Variants in MAP2K6 observed in about 807,000 individuals in gnomAD.
MAP2K6 encodes dual specificity mitogen-activated protein kinase kinase 6.
Under a neutral mutation model 53.7 loss-of-function variants are expected in MAP2K6, and 16 were observed. That is an observed-to-expected ratio of 0.30 (90% CI 0.20 to 0.45). The LOEUF is 0.45. Among genes scored for constraint, MAP2K6 ranks in the 20% least tolerant of loss-of-function variants. The pLI, the probability that MAP2K6 is intolerant of heterozygous loss-of-function variation, is 1.00. For missense variants in MAP2K6, 204 were observed against 411.9 expected (o/e 0.50, Z 4.37); for synonymous variants, 132 against 143.1 (o/e 0.92, Z 0.55).
intron 1 of MAP2K6, among the ~76,000 whole-genome samples, chr17:69,503,985 C>G (rs141278045): frequency 6.6e-6 from 1 of 152,242 alleles, no homozygotes; most frequent in Non-Finnish European, 1.5e-5. Flanking sequence ...TCTCACCTGC[C>G]CCCTCTCCAG....
chr17:69,477,897 A>T (rs773112622), intron 1 of MAP2K6, among the ~76,000 whole-genome samples: 1 of 152,236 alleles, frequency 6.6e-6, no homozygotes, highest in Non-Finnish European at 1.5e-5. Context: ...GAGATAGTGG[A>T]TGAGGGACGG....
intron 1 of MAP2K6, among the ~76,000 whole-genome samples, chr17:69,444,845 G>A (rs1278339443): frequency 1.3e-5 from 2 of 152,208 alleles, no homozygotes; most frequent in African/African-American, 4.8e-5. Flanking sequence ...AACTCTCCAA[G>A]TTGGCTGTTG....
At chr17:69,441,070 A>T (rs1236787899) in intron 1 of MAP2K6, among the ~76,000 whole-genome samples, 1 of 152,172 alleles carries the variant, frequency 6.6e-6, no homozygotes, top group South Asian at 2.1e-4. Flanking sequence ...GTGTTATGTG[A>T]CTATAGGTAT....
Position 69,552,259 on chromosome 17 carries a change from T to C in MAP2K6, c.*10506T>C, listed in dbSNP as rs1912129043. ...CTAGTTAGGAGCTTGCTACCTCTTC[T>C]TGGTACCTGAAATATTCTGAAAGGA... On this transcript the variant is annotated 3_prime_UTR_variant, in exon 12 of 12. Coordinates refer to ENST00000590474, the MANE Select transcript of MAP2K6 (RefSeq NM_002758.4). 1 of 152,250 alleles carries C rather than the reference T, an allele frequency of 6.6e-6. No individual in the cohort carries two copies. The highest frequency in any genetic ancestry group is 2.1e-4 in the South Asian group (1 of 4,832). 9.4% of individuals were successfully genotyped at this position (152,250 alleles called of 1,614,324 possible). A position where few individuals can be genotyped will look rare whatever the true frequency, so the allele number is the denominator to read the frequency against.
chr17:69,541,658 T>C lies in MAP2K6; in HGVS notation c.928-18T>C. The C allele has an allele frequency of 6.3e-7, 1 of 1,594,014 alleles. No individual in the cohort carries two copies. Among genetic ancestry groups the C allele is most frequent in the Non-Finnish European group, 8.6e-7 (1 of 1,163,146 alleles). On this transcript the variant is annotated intron_variant, in intron 11 of 11. Coordinates refer to ENST00000590474, the MANE Select transcript of MAP2K6 (RefSeq NM_002758.4). ...TCAGTAAGACATTAATACCATGTTT[T>C]TTCTTTTTCTTTTCCAGCAACATCC...
intron 1 of MAP2K6, among the ~76,000 whole-genome samples, chr17:69,486,169 TC>T (rs1908528809): frequency 6.6e-6 from 1 of 152,178 alleles, no homozygotes; most frequent in African/African-American, 2.4e-5. Context: ...AAATTGTTTT[TC>T]CACGTTGTGG....
At chr17:69,477,024 ATGGCTTGAG>A (rs1223991556) in intron 1 of MAP2K6, 1 of 152,288 alleles carries the variant, frequency 6.6e-6, no homozygotes, top group Non-Finnish European at 1.5e-5. Flanking sequence ...TCTCATTCAC[ATGGCTTGAG>A]TGACAGGGCA....
chr17:69,489,003 C>A (rs1908647633), intron 1 of MAP2K6, among the ~76,000 whole-genome samples: 1 of 151,846 alleles, frequency 6.6e-6, no homozygotes, highest in Non-Finnish European at 1.5e-5. Flanking sequence ...GGTGGATCAC[C>A]TGAGGTCAGG....
chr17:69,497,362 A>G (rs1367477633), intron 1 of MAP2K6, among the ~76,000 whole-genome samples: 1 of 152,244 alleles, frequency 6.6e-6, no homozygotes, highest in African/African-American at 2.4e-5. Context: ...GTCGCAGTTG[A>G]CTGGGGAAAA....
chr17:69,518,197 A>G (rs1411995478), intron 4 of MAP2K6, among the ~76,000 whole-genome samples: 1 of 125,114 alleles, frequency 8.0e-6, no homozygotes, highest in Non-Finnish European at 1.7e-5. Context: ...CTCAAATAAT[A>G]TTAATAATAA....
intron 1 of MAP2K6, chr17:69,485,321 A>G (rs959967834): frequency 2.7e-5 from 5 of 183,012 alleles, no homozygotes; most frequent in Non-Finnish European, 5.2e-5. Flanking sequence ...TTCAGGTTTT[A>G]GGATGAGCAA....
chr17:69,496,760 C>G (rs1169331483), intron 1 of MAP2K6, among the ~76,000 whole-genome samples: 1 of 152,022 alleles, frequency 6.6e-6, no homozygotes, highest in Non-Finnish European at 1.5e-5. Context: ...TTCCTCCTGT[C>G]CCTCTCTTAA....
At chr17:69,454,474 TC>T (rs1378589156) in intron 1 of MAP2K6, among the ~76,000 whole-genome samples, 13 of 152,272 alleles carry the variant, frequency 8.5e-5, no homozygotes, top group African/African-American at 2.2e-4. Context: ...AACCTCCACC[TC>T]CCAGGTTCAA....
In MAP2K6 at chr17:69,553,619, C is replaced by T. The variant is rs192872754; in HGVS notation, c.*11866C>T. ...TGTATATGCGTGTAAAACTTCACAC[C>T]GTGTGTGTTGTGTTCAATGTTGTGT... On this transcript the variant is annotated 3_prime_UTR_variant, in exon 12 of 12. Transcript: ENST00000590474. 2.8e-4 allele frequency: 43 copies of T among 152,278 alleles called. No homozygotes were observed. Among genetic ancestry groups the T allele is most frequent in the African/African-American group, 9.9e-4 (41 of 41,546 alleles). 9.4% of individuals were successfully genotyped at this position (152,278 alleles called of 1,614,324 possible).
intron 1 of MAP2K6, among the ~76,000 whole-genome samples, chr17:69,467,285 G>T (rs1334245179): frequency 6.6e-6 from 1 of 152,204 alleles, no homozygotes; most frequent in Non-Finnish European, 1.5e-5. Context: ...TTTGTGTTTT[G>T]ATACTTGTCA....
chr17:69,471,239 T>G (rs1907971470), intron 1 of MAP2K6, among the ~76,000 whole-genome samples: 1 of 152,210 alleles, frequency 6.6e-6, no homozygotes, highest in Non-Finnish European at 1.5e-5. Context: ...GCATTCAAAA[T>G]GTCAACTTTA....
intron 2 of MAP2K6, among the ~76,000 whole-genome samples, chr17:69,507,183 G>C (rs1909545402): frequency 6.6e-6 from 1 of 152,092 alleles, no homozygotes; most frequent in Admixed American, 6.6e-5. Flanking sequence ...GTACAGGGAA[G>C]TCCCATAGAT....
intron 1 of MAP2K6, among the ~76,000 whole-genome samples, chr17:69,462,950 CTTTTTT>C (rs10579616): frequency 9.1e-5 from 10 of 109,746 alleles, no homozygotes; most frequent in Non-Finnish European, 1.5e-4. Flanking sequence ...AATGACTTGT[CTTTTTT>C]TTTTTTTTTT....
intron 1 of MAP2K6, among the ~76,000 whole-genome samples, chr17:69,478,941 G>A (rs1262003165): frequency 6.6e-6 from 1 of 152,144 alleles, no homozygotes; most frequent in African/African-American, 2.4e-5. Context: ...GCACAGGGGC[G>A]AACTTCTCTT....
Sources: gnomAD v4.1 joint callset for allele counts (sites outside exome capture counted in the v4.1 genomes callset) on GRCh38, gnomAD v4.1.1 for gene constraint, MANE v1.5 for transcripts, NCBI Gene and HGNC (gene_info 2026-07-23, HGNC 2026-07-21) for gene names.